The following PTPRN2 variants were observed in gnomAD, a reference collection of about 807,000 sequenced individuals.
PTPRN2 encodes the protein protein tyrosine phosphatase receptor type N2, also known as receptor-type tyrosine-protein phosphatase N2.
PTPRN2 carries 74 observed loss-of-function variants against 118.8 expected under a neutral mutation model. The observed-to-expected ratio is 0.62, with a 90% CI of 0.52 to 0.76. The LOEUF is 0.76. PTPRN2 is among the 30% of genes least tolerant of loss of function. The probability of loss-of-function intolerance (pLI) is 0.00; values close to 1 mark genes in which losing one functional copy is unlikely to be tolerated. For synonymous variants in PTPRN2, 641 were observed against 608.0 expected (o/e 1.05, Z -0.80); for missense variants, 1,481 against 1,394.4 (o/e 1.06, Z -0.99).
chr7:157,555,733 CAA>C (rs1491541276), intron 21 of PTPRN2, among the ~76,000 whole-genome samples: 2 of 152,196 alleles, frequency 1.3e-5, no homozygotes, highest in African/African-American at 2.4e-5. Context: ...GCCAAGTGTT[CAA>C]GAGAGAGAGG....
In PTPRN2 at chr7:157,618,009, C is replaced by T. The variant is rs1236311439; in HGVS notation, c.2344+3353G>A. The T allele has an allele frequency of 1.3e-5, 2 of 152,248 alleles. No homozygotes were observed. Among genetic ancestry groups the T allele is most frequent in the South Asian group, 2.1e-4 (1 of 4,836 alleles). The allele number at this position is 152,248 out of a possible 1,614,324, so 9.4% of individuals were successfully genotyped here. A position where few individuals can be genotyped will look rare whatever the true frequency, so the allele number is the denominator to read the frequency against. ...AATTCTTTTTTAAACATTCAAAAAA[C>T]AGAAAATGCATGTTAAGTTCTTTAA... On this transcript the variant is annotated intron_variant, in intron 15 of 22. Transcript: ENST00000389418. This position sits in a 1 kb window ranked among gnomAD's most constrained non-coding sequence, Gnocchi z 4.2.
intron 1 of PTPRN2, among the ~76,000 whole-genome samples, chr7:158,553,227 A>C (rs1413419340): frequency 6.9e-6 from 1 of 145,230 alleles, no homozygotes; most frequent in East Asian, 2.1e-4. Context: ...TAGGCTTTGG[A>C]GTCTACACCA....
intron 11 of PTPRN2, among the ~76,000 whole-genome samples, chr7:158,007,188 T>C (rs1201451751): frequency 6.6e-6 from 1 of 152,190 alleles, no homozygotes; most frequent in East Asian, 1.9e-4. Flanking sequence ...AAAGACACTT[T>C]CTCCAAATAC....
rs1205712620 is a variant in PTPRN2, at chr7:157,764,793, A to G, written c.1789-81856T>C. ...GCGTGCCTGGCATACAGCAGGGGACAGGAGCCGATTGTCTGTCCTACAGCT... is the reference window on the plus strand; with the variant it reads ...GCGTGCCTGGCATACAGCAGGGGACGGGAGCCGATTGTCTGTCCTACAGCT... On this transcript the variant is annotated intron_variant, in intron 12 of 22. Transcript: ENST00000389418. The surrounding 1 kb of genome is among the most constrained non-coding windows in gnomAD (Gnocchi z 4.5). 6.6e-6 allele frequency among the ~76,000 whole-genome samples: 1 copy of G among 152,178 alleles called. No homozygotes were observed. The highest frequency in any genetic ancestry group is 1.5e-5 in the Non-Finnish European group (1 of 68,026).
intron 2 of PTPRN2, among the ~76,000 whole-genome samples, chr7:158,329,411 C>T (rs972232829): frequency 3.3e-5 from 5 of 152,228 alleles, no homozygotes. Flanking sequence ...AGGCTGTGTG[C>T]CGAAACCAGC....
chr7:157,892,404 G>C (rs886340196), intron 12 of PTPRN2, among the ~76,000 whole-genome samples: 5 of 152,150 alleles, frequency 3.3e-5, no homozygotes, highest in Non-Finnish European at 7.4e-5. Flanking sequence ...TCAGAAATTA[G>C]ATTTTGAAAT....
intron 3 of PTPRN2, among the ~76,000 whole-genome samples, chr7:158,255,945 C>T (rs1586002860): frequency 6.6e-6 from 1 of 152,248 alleles, no homozygotes; most frequent in Non-Finnish European, 1.5e-5. Flanking sequence ...TACCCAGCCT[C>T]AGAACTACCT....
chr7:158,213,905 T>TA (rs1276419462), intron 3 of PTPRN2, among the ~76,000 whole-genome samples: 1 of 152,096 alleles, frequency 6.6e-6, no homozygotes, highest in African/African-American at 2.4e-5. Context: ...AATTTTTATC[T>TA]AAAAATCATA....
chr7:158,337,800 G>A (rs1333441783), intron 2 of PTPRN2, among the ~76,000 whole-genome samples: 1 of 6,406 alleles, frequency 1.6e-4, no homozygotes, highest in Non-Finnish European at 5.0e-4. Flanking sequence ...CTCACCATAA[G>A]AGGTGACGCC....
chr7:158,192,036 G>C (rs947259274), intron 5 of PTPRN2, among the ~76,000 whole-genome samples: 1 of 152,152 alleles, frequency 6.6e-6, no homozygotes, highest in East Asian at 1.9e-4. Flanking sequence ...TACCTCCCTG[G>C]TGTGCATCTG....
At position 157,928,229 on chromosome 7, in the gene PTPRN2, G is replaced by C. The variant is rs544904650; in HGVS notation, c.1724-29492C>G. On this transcript the variant is annotated intron_variant, in intron 11 of 22. Transcript: ENST00000389418. The stretch of plus-strand genomic sequence containing the variant: ...ATAGGCAGATACAGGACCCGACCCA[G>C]AGCCCACACTCAGCCATGCTGCCCC... Among the ~76,000 whole-genome samples the C allele has an allele frequency of 4.6e-5, 7 of 152,284 alleles. No homozygotes were observed. In the South Asian group the frequency reaches 1.2e-3, roughly 27 times the overall value.
chr7:158,158,903 C>T (rs1434207901), intron 6 of PTPRN2, among the ~76,000 whole-genome samples: 1 of 52,862 alleles, frequency 1.9e-5, no homozygotes, highest in Non-Finnish European at 3.5e-5. Context: ...ATCAGGAGCC[C>T]GTGTGATTGG....
intron 2 of PTPRN2, among the ~76,000 whole-genome samples, chr7:158,402,281 G>A (rs1284721418): frequency 6.6e-6 from 1 of 152,122 alleles, no homozygotes; most frequent in Non-Finnish European, 1.5e-5. Context: ...GCACTAGGAG[G>A]CACATGCCCC....
At chr7:158,338,007 G>GAAC (rs1563169273) in intron 2 of PTPRN2, among the ~76,000 whole-genome samples, 1 of 7,228 alleles carries the variant, frequency 1.4e-4, no homozygotes, top group Non-Finnish European at 4.3e-4. Context: ...ACCATAATTG[G>GAAC]TGACACCTGC....
At chr7:158,074,363 G>A (rs1337082513) in intron 11 of PTPRN2, among the ~76,000 whole-genome samples, 3 of 152,184 alleles carry the variant, frequency 2.0e-5, no homozygotes, top group Non-Finnish European at 4.4e-5. Flanking sequence ...GGAGGTGGTG[G>A]TGATTCACTG....
chr7:158,561,918 C>T (rs573331304), intron 1 of PTPRN2, among the ~76,000 whole-genome samples: 3 of 152,178 alleles, frequency 2.0e-5, no homozygotes, highest in Non-Finnish European at 4.4e-5. Context: ...GCCCAGCAAG[C>T]GTGGTCCCCA....
chr7:158,522,163 T>G (rs1286825583), intron 1 of PTPRN2, among the ~76,000 whole-genome samples: 2 of 83,786 alleles, frequency 2.4e-5, no homozygotes, highest in South Asian at 1.1e-3. Flanking sequence ...GTCACAATGG[T>G]GGACTGTCCG....
intron 3 of PTPRN2, among the ~76,000 whole-genome samples, chr7:158,218,044 T>G (rs1828077138): frequency 6.6e-6 from 1 of 152,102 alleles, no homozygotes; most frequent in African/African-American, 2.4e-5. Flanking sequence ...CATGAAAATT[T>G]TCCCAATCTC....
chr7:157,551,672 G>GCACCACACACTCCACAGC (rs1798619662), intron 21 of PTPRN2, among the ~76,000 whole-genome samples: 2 of 25,980 alleles, frequency 7.7e-5, no homozygotes, highest in Admixed American at 4.6e-4. Flanking sequence ...CACCCCACGG[G>GCACCACACACTCCACAGC]CACCACACAC....
Sources: gnomAD v4.1 joint callset for allele counts (sites outside exome capture counted in the v4.1 genomes callset) on GRCh38, gnomAD v4.1.1 for gene constraint, Gnocchi (gnomAD v3.1) non-coding constraint, MANE v1.5 for transcripts, NCBI Gene and HGNC (gene_info 2026-07-23, HGNC 2026-07-21) for gene names.